CCDC7: variants seen among roughly 807,000 people sequenced by gnomAD.
CCDC7 encodes the protein coiled-coil domain-containing protein 7.
CCDC7 carries 183 observed loss-of-function variants against 196.9 expected under a neutral mutation model. The ratio of observed to expected loss-of-function variants is 0.93; its 90% CI spans 0.82 to 1.05. CCDC7 has a LOEUF of 1.05. CCDC7 is among the 50% of genes least tolerant of loss of function. CCDC7 has a pLI of 0.00. For synonymous variants in CCDC7, 525 were observed against 484.6 expected (o/e 1.08, Z -1.10); for missense variants, 1,540 against 1,482.2 (o/e 1.04, Z -0.64).
intron 16 of CCDC7, among the ~76,000 whole-genome samples, chr10:32,573,555 C>T (rs2057839133): frequency 6.6e-6 from 1 of 152,068 alleles, no homozygotes; most frequent in South Asian, 2.1e-4. Context: ...TTACCCCTGG[C>T]AGCCCTCATT....
At chr10:32,845,923 A>T in exon 36 of CCDC7, 1 of 1,612,490 alleles carries the variant, frequency 6.2e-7, no homozygotes, top group Non-Finnish European at 8.5e-7. Context: ...AGGTATAATA[A>T]TAGGGCCAAT....
intron 20 of CCDC7, among the ~76,000 whole-genome samples, chr10:32,660,665 G>A (rs2071151753): frequency 6.6e-6 from 1 of 151,738 alleles, no homozygotes; most frequent in African/African-American, 2.4e-5. Flanking sequence ...TGGGTCAAAT[G>A]GTATTTCCAG....
chr10:32,698,736 C>T (rs945585704), intron 24 of CCDC7, among the ~76,000 whole-genome samples: 2 of 152,120 alleles, frequency 1.3e-5, no homozygotes, highest in East Asian at 1.9e-4. Flanking sequence ...GATTGGTGTA[C>T]CTGAAAGTGA....
intron 28 of CCDC7, among the ~76,000 whole-genome samples, chr10:32,759,408 G>A (rs1017373167): frequency 1.3e-5 from 2 of 152,108 alleles, no homozygotes; most frequent in Non-Finnish European, 2.9e-5. Flanking sequence ...ATGGACCAAT[G>A]GAATAGAATA....
intron 20 of CCDC7, among the ~76,000 whole-genome samples, chr10:32,637,220 G>A (rs2065820447): frequency 6.6e-6 from 1 of 152,132 alleles, no homozygotes; most frequent in African/African-American, 2.4e-5. Context: ...CTGTGCAGAA[G>A]CTCTTTAGTT....
chr10:32,790,661 GC>G (rs1026819277), intron 29 of CCDC7, among the ~76,000 whole-genome samples: 1 of 152,154 alleles, frequency 6.6e-6, no homozygotes, highest in African/African-American at 2.4e-5. Context: ...TAGGGCCTGA[GC>G]CTTTGGAATG....
chr10:32,465,279 C>T (rs2036531863), intron 5 of CCDC7, among the ~76,000 whole-genome samples: 1 of 152,118 alleles, frequency 6.6e-6, no homozygotes, highest in Non-Finnish European at 1.5e-5. Flanking sequence ...GCATGTGTCA[C>T]CCATTCAGAG....
chr10:32,791,188 G>A (rs1021746613), intron 29 of CCDC7, among the ~76,000 whole-genome samples: 2 of 151,454 alleles, frequency 1.3e-5, no homozygotes, highest in Admixed American at 6.6e-5. Context: ...ACCTGGAACC[G>A]CAGCCACCAC....
intron 16 of CCDC7, among the ~76,000 whole-genome samples, chr10:32,573,400 G>T (rs12264737): frequency 6.6e-6 from 1 of 152,102 alleles, no homozygotes; most frequent in African/African-American, 2.4e-5. Context: ...GTAAATCTCA[G>T]AAAATAGAAA....
chr10:32,594,049 T>C (rs972621890), intron 18 of CCDC7, among the ~76,000 whole-genome samples: 46 of 152,302 alleles, frequency 3.0e-4, no homozygotes, highest in African/African-American at 1.0e-3. Flanking sequence ...TTTGGTTCCA[T>C]ATGAACTTTA....
intron 18 of CCDC7, among the ~76,000 whole-genome samples, chr10:32,613,659 T>G (rs1361485598): frequency 6.6e-6 from 1 of 152,230 alleles, no homozygotes; most frequent in African/African-American, 2.4e-5. Flanking sequence ...TCTGCCTTAA[T>G]TTTGTTATTT....
intron 23 of CCDC7, among the ~76,000 whole-genome samples, chr10:32,690,038 G>T (rs2076910431): frequency 6.6e-6 from 1 of 152,128 alleles, no homozygotes; most frequent in Non-Finnish European, 1.5e-5. Flanking sequence ...CCTAGCCTGG[G>T]CTTATTTTTA....
intron 18 of CCDC7, among the ~76,000 whole-genome samples, chr10:32,618,767 T>C (rs549712454): frequency 6.6e-6 from 1 of 152,124 alleles, no homozygotes; most frequent in African/African-American, 2.4e-5. Context: ...TAGGCTGTGG[T>C]GACTTCTTTT....
chr10:32,541,693 C>T (rs1294412671), intron 11 of CCDC7, among the ~76,000 whole-genome samples: 2 of 152,166 alleles, frequency 1.3e-5, no homozygotes, highest in African/African-American at 4.8e-5. Flanking sequence ...CCCTTGGGCC[C>T]AAGGCTTGTA....
intron 24 of CCDC7, among the ~76,000 whole-genome samples, chr10:32,706,337 T>C (rs1051042605): frequency 6.6e-6 from 1 of 152,092 alleles, no homozygotes; most frequent in Non-Finnish European, 1.5e-5. Flanking sequence ...GAGGGAAATT[T>C]ATAGCACTAA....
intron 18 of CCDC7, among the ~76,000 whole-genome samples, chr10:32,592,153 A>C (rs188827598): frequency 3.4e-4 from 52 of 152,110 alleles, no homozygotes; most frequent in African/African-American, 1.2e-3. Flanking sequence ...ACAGTTGTGC[A>C]TTGTATTTTC....
intron 11 of CCDC7, among the ~76,000 whole-genome samples, chr10:32,535,533 AG>A (rs1470481523): frequency 6.6e-6 from 1 of 152,166 alleles, no homozygotes; most frequent in Non-Finnish European, 1.5e-5. Context: ...GATGGATTCA[AG>A]GTTTTCTGAC....
chr10:32,805,135 A>G, intron 30 of CCDC7, 37 bp downstream of exon 31: 1 of 1,447,208 alleles, frequency 6.9e-7, no homozygotes. Context: ...TTTCTCATTT[A>G]TTTTTCTCCT....
intron 24 of CCDC7, among the ~76,000 whole-genome samples, chr10:32,707,341 A>G (rs775304469): frequency 6.6e-5 from 10 of 152,196 alleles, no homozygotes; most frequent in Non-Finnish European, 1.2e-4. Context: ...AGAGCTCTCT[A>G]TGACAAACCC....
Sources: gnomAD v4.1 joint callset for allele counts (sites outside exome capture counted in the v4.1 genomes callset) on GRCh38, gnomAD v4.1.1 for gene constraint, MANE v1.5 for transcripts, NCBI Gene and HGNC (gene_info 2026-07-23, HGNC 2026-07-21) for gene names.